The following EMSY variants were observed in gnomAD, a reference collection of about 807,000 sequenced individuals.
The protein encoded by EMSY is BRCA2-interacting transcriptional repressor EMSY.
In EMSY, 26 loss-of-function variants were observed where a neutral mutation model predicts 134.6. The observed-to-expected ratio is 0.19, with a 90% confidence interval of 0.14 to 0.27. EMSY has a LOEUF of 0.27. Among genes scored for constraint, EMSY ranks in the 10% least tolerant of loss-of-function variants. The probability of loss-of-function intolerance (pLI) is 1.00; values close to 1 mark genes in which losing one functional copy is unlikely to be tolerated. For missense variants in EMSY, 1,305 were observed against 1,611.4 expected (o/e 0.81, Z 3.26); for synonymous variants, 579 against 577.8 (o/e 1.00, Z -0.03).
At chr11:76,521,787 C>A (rs61894543) in intron 11 of EMSY, among the ~76,000 whole-genome samples, 1 of 149,976 alleles carries the variant, frequency 6.7e-6, no homozygotes. Context: ...AAAAAAAGTC[C>A]AGGCACAGTG....
At chr11:76,514,567 G>T (rs1950382098) in intron 10 of EMSY, among the ~76,000 whole-genome samples, 1 of 152,070 alleles carries the variant, frequency 6.6e-6, no homozygotes, top group Non-Finnish European at 1.5e-5. Flanking sequence ...CAAAACCTGT[G>T]CTTTCTTTTG....
At chr11:76,530,343 T>C (rs199978267) in intron 14 of EMSY, among the ~76,000 whole-genome samples, 2 of 152,000 alleles carry the variant, frequency 1.3e-5, no homozygotes, top group East Asian at 3.9e-4. Context: ...GTATTTTTAG[T>C]AGCGACGGGG....
At chr11:76,452,815 G>A (rs1947722722) in intron 3 of EMSY, among the ~76,000 whole-genome samples, 1 of 152,114 alleles carries the variant, frequency 6.6e-6, no homozygotes, top group Non-Finnish European at 1.5e-5. Flanking sequence ...GTTGTATAGT[G>A]TATAGCCACA....
At chr11:76,453,694 T>C (rs1188471392) in intron 4 of EMSY, 1 of 205,788 alleles carries the variant, frequency 4.9e-6, no homozygotes, top group Non-Finnish European at 9.8e-6. Context: ...AGTAACAAAG[T>C]ATTGTGACCC....
At chr11:76,539,458 C>A in intron 16 of EMSY, 141 bp from the exon 18 acceptor site, 1 of 783,290 alleles carries the variant, frequency 1.3e-6, no homozygotes, top group Non-Finnish European at 2.1e-6. Flanking sequence ...TAGAATCTTT[C>A]TTTAGAGATA....
At chr11:76,496,307 C>G (rs756104983) in exon 9 of EMSY, 2 of 1,614,078 alleles carry the variant, frequency 1.2e-6, no homozygotes, top group South Asian at 2.2e-5. Flanking sequence ...TGCACAGTTC[C>G]CTAAACAACA....
At chr11:76,521,918 A>G (rs2136254519) in intron 11 of EMSY, among the ~76,000 whole-genome samples, 1 of 152,190 alleles carries the variant, frequency 6.6e-6, no homozygotes, top group East Asian at 1.9e-4. Flanking sequence ...ATAAAAAATC[A>G]AAAAGTAAGG....
chr11:76,547,317 A>G (rs772779341), intron 20 of EMSY, among the ~76,000 whole-genome samples: 69 of 152,226 alleles, frequency 4.5e-4, no homozygotes, highest in Admixed American at 3.5e-3. Flanking sequence ...CAATTAAGGT[A>G]GAATTAAATA....
intron 4 of EMSY, among the ~76,000 whole-genome samples, chr11:76,454,114 G>C (rs1182289025): frequency 6.6e-6 from 1 of 152,036 alleles, no homozygotes; most frequent in Non-Finnish European, 1.5e-5. Context: ...ATATGTTATA[G>C]TATAATTCAT....
intron 8 of EMSY, among the ~76,000 whole-genome samples, chr11:76,483,856 C>G (rs918598823): frequency 6.6e-6 from 1 of 152,188 alleles, no homozygotes; most frequent in Non-Finnish European, 1.5e-5. Flanking sequence ...AGAAAATTAA[C>G]AAGGATATTC....
intron 9 of EMSY, among the ~76,000 whole-genome samples, chr11:76,512,668 A>G (rs1950318506): frequency 6.7e-6 from 1 of 150,374 alleles, no homozygotes; most frequent in African/African-American, 2.4e-5. Flanking sequence ...GAATGTTTAC[A>G]TTTGGAAAGT....
chr11:76,496,403 C>A lies in EMSY; in HGVS notation c.1297C>A (p.Gln433Lys), dbSNP rs372110730. 4.6e-5 allele frequency: 74 copies of A among 1,613,988 alleles called. 1 individual carries two copies. The highest frequency in any genetic ancestry group is 2.7e-5 in the Non-Finnish European group (32 of 1,179,932). The change falls in exon 9 of 21, where the codon CAA becomes AAA. Residue 433 changes from glutamine (Q) to lysine (K), a missense_variant. Physicochemically the swap from Gln to Lys is moderately conservative, Grantham distance 53. Coordinates refer to ENST00000334736, the Ensembl canonical transcript of EMSY. ...CCAGCCTTCTCCAGTATCTCATCAG[C>A]AACAGCCTCAGCAGTCTCCTTTGCC...
chr11:76,477,331 A>C (rs1031917152), intron 8 of EMSY, among the ~76,000 whole-genome samples: 9 of 149,336 alleles, frequency 6.0e-5, no homozygotes, highest in Non-Finnish European at 1.5e-5. Flanking sequence ...ATTTTTGCTA[A>C]ATTTTATTTA....
chr11:76,494,700 TTCCTTCCTTCCTTCCTTCCTTCC>T lies in EMSY; in HGVS notation c.1109-1513_1109-1491del, dbSNP rs1392382980. Among the ~76,000 whole-genome samples, 373 of 118,450 alleles carry T rather than the reference TTCCTTCCTTCCTTCCTTCCTTCC, an allele frequency of 3.1e-3. 3 individuals carry two copies. Among genetic ancestry groups the T allele is most frequent in the African/African-American group, 0.01 (331 of 32,876 alleles). The allele number at this position is 118,450 out of a possible 152,430, so 77.7% of individuals were successfully genotyped here. On this transcript the variant is annotated intron_variant, in intron 8 of 20. Coordinates refer to ENST00000334736, the Ensembl canonical transcript of EMSY. ...CTTCCTTCCTTCCTTCCTTCCTTCC[TTCCTTCCTTCCTTCCTTCCTTCC>T]TTCCTTCCTTCCTTTCCTTCCTTCC...
intron 2 of EMSY, among the ~76,000 whole-genome samples, chr11:76,450,551 G>A (rs1947619008): frequency 6.6e-6 from 1 of 151,504 alleles, no homozygotes; most frequent in Admixed American, 6.6e-5. Flanking sequence ...AAGTACAGTG[G>A]CATGAACATG....
At chr11:76,492,001 T>G (rs184251443) in intron 8 of EMSY, among the ~76,000 whole-genome samples, 584 of 152,362 alleles carry the variant, frequency 3.8e-3, no homozygotes, top group Admixed American at 6.1e-3. Context: ...GATCATTTGA[T>G]TGTCTTCTCT....
At chr11:76,456,462 G>A (rs1801609783) in intron 4 of EMSY, among the ~76,000 whole-genome samples, 1 of 150,302 alleles carries the variant, frequency 6.7e-6, no homozygotes, top group Non-Finnish European at 1.5e-5. Flanking sequence ...CACTTAATTT[G>A]TGTGGTAAAC....
rs1590780274 is a variant in EMSY at position 76,454,908 on chromosome 11, C to A, written c.245+1520C>A. 5.3e-6 allele frequency: 4 copies of A among 750,398 alleles called. No homozygotes were observed. The East Asian group carries it at 1.2e-4, about 22-fold the overall frequency. The allele number at this position is 750,398 out of a possible 1,614,324, so 46.5% of individuals were successfully genotyped here. On this transcript the variant is annotated intron_variant, in intron 4 of 20. Transcript: ENST00000334736. ...ATGAATTAACCATGCCCCTTGCTTT[C>A]CTTCTCTTCCCCTCCTCCCCCTCCT...
At chr11:76,533,439 A>C (rs1378520747) in intron 14 of EMSY, among the ~76,000 whole-genome samples, 3 of 151,216 alleles carry the variant, frequency 2.0e-5, no homozygotes, top group Admixed American at 1.3e-4. Flanking sequence ...GATTGTTATA[A>C]CTGTGCAGAG....
Sources: allele counts gnomAD v4.1 joint callset (sites outside exome capture counted in the v4.1 genomes callset), GRCh38; gene constraint gnomAD v4.1.1; transcripts MANE v1.5; gene names NCBI Gene and HGNC (gene_info 2026-07-23, HGNC 2026-07-21).